PIK3C2A: variants seen among roughly 807,000 people sequenced by gnomAD.
PIK3C2A encodes the protein phosphatidylinositol 4-phosphate 3-kinase C2 domain-containing subunit alpha.
PIK3C2A carries 97 observed loss-of-function variants against 204.5 expected under a neutral mutation model. The ratio of observed to expected loss-of-function variants is 0.47; its 90% confidence interval spans 0.40 to 0.56. The LOEUF is 0.56. Among genes scored for constraint, PIK3C2A ranks in the 20% least tolerant of loss-of-function variants. The pLI is 0.00. For missense variants in PIK3C2A, 1,735 were observed against 1,969.2 expected (o/e 0.88, Z 2.25); for synonymous variants, 653 against 664.4 (o/e 0.98, Z 0.26).
At chr11:17,156,354 C>G (rs1310261828) in intron 2 of PIK3C2A, among the ~76,000 whole-genome samples, 1 of 152,160 alleles carries the variant, frequency 6.6e-6, no homozygotes, top group Non-Finnish European at 1.5e-5. Flanking sequence ...AGAGCTATAA[C>G]AGATTTCAAT....
Position 17,102,703 on chromosome 11 carries a change from T to C in PIK3C2A, c.3810A>G (p.Gly1270=). 1.2e-6 allele frequency: 2 copies of C among 1,613,724 alleles called. No individual in the cohort carries two copies. The highest frequency in any genetic ancestry group is 1.7e-6 in the Non-Finnish European group (2 of 1,179,878). The part of the protein sequence containing the change: ...STGHMFHIDF[G]KFLGHAQMFG... ...ACATCTGTGCATGTCCCAAAAACTT[T>C]CCAAAGTCAATGTGAAACATGTGTC... The change falls in exon 24 of 33, where the codon GGA becomes GGG. Residue 1270 remains glycine, a synonymous_variant. Coordinates refer to ENST00000691414, the MANE Select transcript of PIK3C2A (RefSeq NM_002645.4).
At chr11:17,195,137 G>A (rs903591759) in intron 1 of PIK3C2A, among the ~76,000 whole-genome samples, 4 of 151,918 alleles carry the variant, frequency 2.6e-5, no homozygotes, top group Admixed American at 6.6e-5. Context: ...ATAGGGGGCC[G>A]GGTGTGGTGG....
chr11:17,186,957 T>C (rs1014347477), intron 1 of PIK3C2A, among the ~76,000 whole-genome samples: 2 of 152,158 alleles, frequency 1.3e-5, no homozygotes, highest in African/African-American at 4.8e-5. Flanking sequence ...TTCGGGCCTG[T>C]AGTTCCAGCT....
rs555788567 is a variant in PIK3C2A at position 17,201,333 on chromosome 11, C to A, written c.-66+6515G>T. 6.6e-5 allele frequency among the ~76,000 whole-genome samples: 10 copies of A among 151,976 alleles called. No homozygotes were observed. In the South Asian group the frequency reaches 1.9e-3, roughly 29 times the overall value. On this transcript the variant is annotated intron_variant, in intron 1 of 32. Coordinates refer to ENST00000691414, the MANE Select transcript of PIK3C2A (RefSeq NM_002645.4). ...CATGAGGTCAAAAGATTGAGACCAT[C>A]CTGGCCAACATGGTGAAACCCCATC...
chr11:17,194,755 C>T (rs930250625), intron 1 of PIK3C2A, among the ~76,000 whole-genome samples: 6 of 151,798 alleles, frequency 4.0e-5, no homozygotes, highest in Non-Finnish European at 5.9e-5. Flanking sequence ...ACTAAAAATA[C>T]AAAATTAGCT....
In PIK3C2A at chr11:17,101,126, C is replaced by T. The variant is rs772482425; in HGVS notation, c.4008+152G>A. ...ACTCTTGTGTCTGGCTTATTTCACACGGCAGTAAGTTTAAAATATCTGAGC... is the reference window on the plus strand; with the variant it reads ...ACTCTTGTGTCTGGCTTATTTCACATGGCAGTAAGTTTAAAATATCTGAGC... On this transcript the variant is annotated intron_variant, in intron 25 of 32. Transcript: ENST00000691414. 224 of 456,988 alleles carry T rather than the reference C, an allele frequency of 4.9e-4. 1 individual carries two copies. The highest frequency in any genetic ancestry group is 7.3e-4 in the Non-Finnish European group (188 of 258,526). The allele number at this position is 456,988 out of a possible 1,614,324, so 28.3% of individuals were successfully genotyped here. A position where few individuals can be genotyped will look rare whatever the true frequency, so the allele number is the denominator to read the frequency against.
At chr11:17,146,023 G>C in intron 6 of PIK3C2A, 81 bp from the exon 7 acceptor site, 1 of 966,534 alleles carries the variant, frequency 1.0e-6, no homozygotes, top group East Asian at 2.4e-5. Context: ...TTAAGTGTAT[G>C]ATAAAATCTT....
At chr11:17,095,205 C>G (rs894372167) in intron 27 of PIK3C2A, among the ~76,000 whole-genome samples, 6 of 152,114 alleles carry the variant, frequency 3.9e-5, no homozygotes, top group Middle Eastern at 3.4e-3. Context: ...CCAAGTGAGC[C>G]AAATGAGCCA....
At position 17,087,338 on chromosome 11, in the gene PIK3C2A, G is replaced by A. The variant is rs1046461006; in HGVS notation, c.*2400C>T. On this transcript the variant is annotated 3_prime_UTR_variant, in exon 33 of 33. Coordinates refer to ENST00000691414, the MANE Select transcript of PIK3C2A (RefSeq NM_002645.4). ...GAGGCTCCACTCTACTTTTTGGTAC[G>A]GGCTGAAGATTAGCATTTCATAAAG... is the stretch of plus-strand genomic sequence containing the variant. 1.4e-4 allele frequency: 22 copies of A among 152,090 alleles called. No homozygotes were observed. Among genetic ancestry groups the A allele is most frequent in the African/African-American group, 4.8e-4 (20 of 41,498 alleles). The allele number at this position is 152,090 out of a possible 1,614,324, so 9.4% of individuals were successfully genotyped here.
At chr11:17,170,461 T>C (rs1384717711) in intron 1 of PIK3C2A, among the ~76,000 whole-genome samples, 1 of 152,224 alleles carries the variant, frequency 6.6e-6, no homozygotes, top group African/African-American at 2.4e-5. Flanking sequence ...GATTAAATTA[T>C]AGCTGAATTG....
In PIK3C2A at chr11:17,104,674, G is replaced by T. The variant is rs968406120; in HGVS notation, c.3681+495C>A. Among the ~76,000 whole-genome samples, 7 of 141,952 alleles carry T rather than the reference G, an allele frequency of 4.9e-5. No homozygotes were observed. The Admixed American group carries it at 5.2e-4, about 11-fold the overall frequency. The allele number at this position is 141,952 out of a possible 152,430, so 93.1% of individuals were successfully genotyped here. Reference sequence around the variant, plus strand: ...CAGGAGGCGGAGCTTGCAGTGAGCCGAGATAGCGCCACTGCACTCCAGCCT... The same window carrying T: ...CAGGAGGCGGAGCTTGCAGTGAGCCTAGATAGCGCCACTGCACTCCAGCCT... On this transcript the variant is annotated intron_variant, in intron 23 of 32. Transcript: ENST00000691414.
chr11:17,123,788 C>T (rs538784229), intron 13 of PIK3C2A, among the ~76,000 whole-genome samples: 39 of 152,144 alleles, frequency 2.6e-4, no homozygotes, highest in Middle Eastern at 6.8e-3. Context: ...GCCAAGTATG[C>T]TGACCCTTGC....
At chr11:17,091,897 C>T (rs1359915988) in intron 30 of PIK3C2A, 99 bp downstream of exon 30, 4 of 825,106 alleles carry the variant, frequency 4.8e-6, no homozygotes, top group Admixed American at 3.6e-5. Flanking sequence ...CATTCTCAGA[C>T]TACAGCTAGT....
At chr11:17,102,882 G>C in intron 23 of PIK3C2A, 51 bp from the exon 24 acceptor site, 1 of 1,224,108 alleles carries the variant, frequency 8.2e-7, no homozygotes, top group Non-Finnish European at 1.2e-6. Context: ...TTTTAAAAGA[G>C]GCAGAGTTTA....
chr11:17,196,119 T>C (rs1047046538), intron 1 of PIK3C2A, among the ~76,000 whole-genome samples: 3 of 151,710 alleles, frequency 2.0e-5, no homozygotes, highest in Non-Finnish European at 4.4e-5. Context: ...CAAAAAAAAA[T>C]CAGAAACAAG....
intron 1 of PIK3C2A, among the ~76,000 whole-genome samples, chr11:17,172,731 T>C (rs1437443575): frequency 6.6e-6 from 1 of 152,204 alleles, no homozygotes; most frequent in Admixed American, 6.5e-5. Flanking sequence ...TCCATGTGTA[T>C]CCTTAACCTT....
chr11:17,204,493 T>C (rs774576764), intron 1 of PIK3C2A: 2 of 152,188 alleles, frequency 1.3e-5, no homozygotes, highest in Non-Finnish European at 2.9e-5. Flanking sequence ...CCCTTATGAA[T>C]AGAAGGAATT....
chr11:17,113,218 T>A (rs1232314061), intron 20 of PIK3C2A, among the ~76,000 whole-genome samples: 3 of 152,192 alleles, frequency 2.0e-5, no homozygotes, highest in East Asian at 3.9e-4. Flanking sequence ...AGATAACAGA[T>A]ACGCAAAAAT....
At chr11:17,175,844 T>A (rs536289904) in intron 1 of PIK3C2A, among the ~76,000 whole-genome samples, 105 of 152,336 alleles carry the variant, frequency 6.9e-4, no homozygotes, top group African/African-American at 2.4e-3. Context: ...AAAAGCAAGT[T>A]GGTGCTGCTA....
Sources: allele counts gnomAD v4.1 joint callset (sites outside exome capture counted in the v4.1 genomes callset), GRCh38; gene constraint gnomAD v4.1.1; transcripts MANE v1.5; gene names NCBI Gene and HGNC (gene_info 2026-07-23, HGNC 2026-07-21).